GLDC: variants seen among roughly 807,000 people sequenced by gnomAD.
GLDC encodes the protein glycine decarboxylase.
GLDC carries 104 observed loss-of-function variants against 121.3 expected under a neutral mutation model. The ratio of observed to expected loss-of-function variants is 0.86; its 90% confidence interval spans 0.73 to 1.01. The LOEUF is 1.01. Among genes scored for constraint, GLDC ranks in the 50% least tolerant of loss-of-function variants. The pLI is 0.00. For missense variants in GLDC, 1,429 were observed against 1,306.6 expected (o/e 1.09, Z -1.44); for synonymous variants, 546 against 480.6 (o/e 1.14, Z -1.78).
chr9:6,613,897 C>T (rs1489476892), intron 3 of GLDC, among the ~76,000 whole-genome samples: 1 of 152,088 alleles, frequency 6.6e-6, no homozygotes, highest in Non-Finnish European at 1.5e-5. Flanking sequence ...CTGCCTCAGC[C>T]TCCTGAGTAG....
In GLDC at chr9:6,587,447, A is replaced by G. The variant is rs548456129; in HGVS notation, c.1708-164T>C. ...AAGTTCCACCACAACCTTATAAGGT[A>G]AGTACCGTTACTGTCTTCATTTAAA... On this transcript the variant is annotated intron_variant, in intron 14 of 24. Transcript: ENST00000321612. 1.1e-3 allele frequency among the ~76,000 whole-genome samples: 168 copies of G among 152,346 alleles called. 1 individual carries two copies. Among genetic ancestry groups the G allele is most frequent in the Non-Finnish European group, 1.6e-3 (111 of 68,028 alleles).
chr9:6,567,764 C>A (rs1392342135), intron 15 of GLDC, among the ~76,000 whole-genome samples: 1 of 152,198 alleles, frequency 6.6e-6, no homozygotes, highest in Admixed American at 6.5e-5. Flanking sequence ...TATACATGTA[C>A]TGGACATAGA....
intron 2 of GLDC, among the ~76,000 whole-genome samples, chr9:6,643,938 G>C (rs1425676343): frequency 7.1e-6 from 1 of 140,706 alleles, no homozygotes; most frequent in Non-Finnish European, 1.5e-5. Context: ...AGAGGCTGAG[G>C]CAGGAGAATT....
chr9:6,620,440 G>C (rs1163105377), intron 2 of GLDC, 121 bp from the exon 3 acceptor site: 5 of 861,074 alleles, frequency 5.8e-6, no homozygotes, highest in Non-Finnish European at 9.6e-6. Flanking sequence ...GAAAATGTAA[G>C]AGTCATCCAT....
At chr9:6,559,431 G>T (rs946253288) in intron 16 of GLDC, among the ~76,000 whole-genome samples, 9 of 149,124 alleles carry the variant, frequency 6.0e-5, no homozygotes, top group African/African-American at 2.2e-4. Flanking sequence ...AGGAGAATTG[G>T]TTTAAACCAG....
At chr9:6,548,683 C>A (rs11792185) in intron 21 of GLDC, among the ~76,000 whole-genome samples, 33,429 of 152,048 alleles carry the variant, frequency 0.22, 4,405 homozygotes, top group Admixed American at 0.29. Context: ...CAGGTGCAGG[C>A]GGGTGGGCTG....
intron 15 of GLDC, among the ~76,000 whole-genome samples, chr9:6,579,740 G>T (rs542185496): frequency 6.6e-6 from 1 of 152,324 alleles, no homozygotes; most frequent in Non-Finnish European, 1.5e-5. Flanking sequence ...TGAGATCGAA[G>T]TTGTATTGCT....
Position 6,604,745 on chromosome 9 carries a change from T to G in GLDC, c.901A>C (p.Ile301Leu). ...CCATDLLALC[I>L]LRPPGEFGVD... ...CCAAATTCTCCAGGTGGCCTCAAGATGCACAAAGCTAAAAGGTCAGTAGCA... is the reference window on the plus strand; with the variant it reads ...CCAAATTCTCCAGGTGGCCTCAAGAGGCACAAAGCTAAAAGGTCAGTAGCA... The change falls in exon 7 of 25, where the codon ATC becomes CTC. Residue 301 changes from isoleucine (I) to leucine (L), a missense_variant. Coordinates refer to ENST00000321612, the MANE Select transcript of GLDC (RefSeq NM_000170.3). The G allele has an allele frequency of 6.2e-7, 1 of 1,614,120 alleles. No homozygotes were observed.
intron 8 of GLDC, 52 bp downstream of exon 8, chr9:6,602,057 C>G (rs1818621516): frequency 9.6e-7 from 1 of 1,046,792 alleles, no homozygotes. Context: ...ATGAGTAGCT[C>G]ATTTCTGTGT....
At chr9:6,615,102 T>A (rs1196813256) in intron 3 of GLDC, among the ~76,000 whole-genome samples, 2 of 152,212 alleles carry the variant, frequency 1.3e-5, no homozygotes, top group East Asian at 3.9e-4. Context: ...ATCTCTTGCC[T>A]CTCAATGGAA....
rs753545868 is a variant in GLDC, at chr9:6,558,611, G to T, written c.2000C>A (p.Pro667His). The T allele has an allele frequency of 9.9e-6, 16 of 1,614,150 alleles. No homozygotes were observed. Among genetic ancestry groups the T allele is most frequent in the African/African-American group, 1.3e-5 (1 of 75,054 alleles). ...ATTCCCATATTTATCCACCTCCACA[G>T]GCTGAATCTTCATGCCTGCCATGTG... ...SAHMAGMKIQ[P>H]VEVDKYGNID... Residue 667 changes from proline to histidine, a missense_variant, in exon 17 of 25, where the codon CCT becomes CAT. Coordinates refer to ENST00000321612, the MANE Select transcript of GLDC (RefSeq NM_000170.3).
chr9:6,532,691 T>C lies in GLDC; in HGVS notation c.*326A>G, dbSNP rs547163879. ...TTGGAACAAAAAAATGTCTATTAAG[T>C]CTCCAGGATAGCCTCTATGACATCT... On this transcript the variant is annotated 3_prime_UTR_variant, in exon 25 of 25. Coordinates refer to ENST00000321612, the MANE Select transcript of GLDC (RefSeq NM_000170.3). 30 of 336,574 alleles carry C rather than the reference T, an allele frequency of 8.9e-5. No homozygotes were observed. The highest frequency in any genetic ancestry group is 6.1e-4 in the African/African-American group (29 of 47,520). 20.8% of individuals were successfully genotyped at this position (336,574 alleles called of 1,614,324 possible). A position where few individuals can be genotyped will look rare whatever the true frequency, so the allele number is the denominator to read the frequency against.
chr9:6,619,274 G>T (rs1290761753), intron 3 of GLDC, among the ~76,000 whole-genome samples: 1 of 151,378 alleles, frequency 6.6e-6, no homozygotes, highest in East Asian at 1.9e-4. Flanking sequence ...TTCTAGAAGA[G>T]CCTGTCTACA....
chr9:6,581,241 A>T (rs2129811499), intron 15 of GLDC, among the ~76,000 whole-genome samples: 1 of 152,326 alleles, frequency 6.6e-6, no homozygotes, highest in South Asian at 2.1e-4. Flanking sequence ...TCACTGGGAC[A>T]AATCGGAGGC....
At chr9:6,566,865 G>T (rs748588430) in intron 15 of GLDC, among the ~76,000 whole-genome samples, 1 of 152,148 alleles carries the variant, frequency 6.6e-6, no homozygotes. Context: ...TAAAAAATGT[G>T]TATGTTCTCC....
chr9:6,592,618 G>A (rs553975954), intron 10 of GLDC, among the ~76,000 whole-genome samples: 3 of 152,262 alleles, frequency 2.0e-5, no homozygotes, highest in Admixed American at 2.0e-4. Context: ...AACAAAATAT[G>A]TGCATTTCAG....
At chr9:6,599,425 A>G (rs1818554608) in intron 8 of GLDC, among the ~76,000 whole-genome samples, 1 of 152,078 alleles carries the variant, frequency 6.6e-6, no homozygotes, top group South Asian at 2.1e-4. Flanking sequence ...AGGCCACCAT[A>G]TAAAGATCAC....
chr9:6,539,547 T>C (rs1817210120), intron 22 of GLDC, among the ~76,000 whole-genome samples: 1 of 152,162 alleles, frequency 6.6e-6, no homozygotes, highest in Non-Finnish European at 1.5e-5. Context: ...TAGGAAAATG[T>C]AGTGAGCTGA....
At chr9:6,610,457 A>G (rs182947256) in intron 3 of GLDC, 101 bp from the exon 4 acceptor site, 5 of 1,160,886 alleles carry the variant, frequency 4.3e-6, no homozygotes, top group African/African-American at 1.5e-5. Flanking sequence ...TAATTTGCCT[A>G]TCTTGAGGAG....
Sources: allele counts gnomAD v4.1 joint callset (sites outside exome capture counted in the v4.1 genomes callset), GRCh38; gene constraint gnomAD v4.1.1; transcripts MANE v1.5; gene names NCBI Gene and HGNC (gene_info 2026-07-23, HGNC 2026-07-21).